KCNAB2: variants seen among roughly 807,000 people sequenced by gnomAD.
KCNAB2 encodes potassium voltage-gated channel subfamily A regulatory beta subunit 2.
Under a neutral mutation model 63.6 loss-of-function variants are expected in KCNAB2, and 29 were observed. That is an observed-to-expected ratio of 0.46 (90% CI 0.34 to 0.62). The LOEUF is 0.62. KCNAB2 is among the 20% of genes least tolerant of loss of function. KCNAB2 has a pLI of 0.01. For missense variants in KCNAB2, 359 were observed against 563.9 expected (o/e 0.64, Z 3.68); for synonymous variants, 222 against 224.2 (o/e 0.99, Z 0.09).
At chr1:6,020,034 G>A (rs907620583) in intron 1 of KCNAB2, among the ~76,000 whole-genome samples, 3 of 152,214 alleles carry the variant, frequency 2.0e-5, no homozygotes, top group Non-Finnish European at 2.9e-5. Context: ...GTTTCCCACA[G>A]GTGGAGGTCT....
In KCNAB2 at chr1:6,011,334, ACAGG is replaced by A. The variant is rs1439796333; in HGVS notation, c.-53+18552_-53+18555del. On this transcript the variant is annotated intron_variant, in intron 1 of 16. Coordinates refer to the KCNAB2 transcript ENST00000341524. ...GTGCCCAGGGCCAAGTGTGCGGGAGACAGGCAGGCGGCTGTGCCCAGGGCCAGGT... is the reference window on the plus strand; with the variant it reads ...GTGCCCAGGGCCAAGTGTGCGGGAGACAGGCGGCTGTGCCCAGGGCCAGGT... 2.6e-5 allele frequency among the ~76,000 whole-genome samples: 3 copies of A among 113,654 alleles called. No individual in the cohort carries two copies. In the Admixed American group the frequency reaches 2.8e-4, roughly 10 times the overall value. 74.6% of individuals were successfully genotyped at this position (113,654 alleles called of 152,430 possible).
At chr1:6,094,932 C>T in intron 11 of KCNAB2, among the ~76,000 whole-genome samples, 1 of 152,252 alleles carries the variant, frequency 6.6e-6, no homozygotes, top group East Asian at 1.9e-4. Context: ...GGGACCCTCT[C>T]ACATGCAATC....
intron 15 of KCNAB2, chr1:6,097,683 A>G (rs2100801969): frequency 5.3e-6 from 3 of 560,978 alleles, no homozygotes; most frequent in Middle Eastern, 3.4e-4. Context: ...GGGCTTGTTG[A>G]GAAGGTGGTG....
At chr1:6,001,122 C>T (rs779082958) in intron 1 of KCNAB2, among the ~76,000 whole-genome samples, 14 of 152,172 alleles carry the variant, frequency 9.2e-5, no homozygotes, top group Non-Finnish European at 1.5e-4. Flanking sequence ...CCTTGGAGGC[C>T]GGAACATCTT....
upstream of KCNAB2, among the ~76,000 whole-genome samples, chr1:6,042,595 G>T (rs545384150): frequency 6.6e-6 from 1 of 152,258 alleles, no homozygotes; most frequent in African/African-American, 2.4e-5. Flanking sequence ...AAATGTCAGG[G>T]CTGCCTGGAG....
Position 6,086,919 on chromosome 1 carries a change from C to T in KCNAB2, c.426-548C>T, listed in dbSNP as rs905285803. On this transcript the variant is annotated intron_variant, in intron 6 of 15. Transcript: ENST00000378083. The surrounding 1 kb of genome is among the most constrained non-coding windows in gnomAD (Gnocchi z 4.2). Reference sequence around the variant, plus strand: ...TCCCTTGGTGCCCCTCAAGTTACCCCGACCAGGCCGTCCCACACAGATTTT... The same window carrying T: ...TCCCTTGGTGCCCCTCAAGTTACCCTGACCAGGCCGTCCCACACAGATTTT... Among the ~76,000 whole-genome samples the T allele has an allele frequency of 3.3e-5, 5 of 152,042 alleles. No homozygotes were observed. Among genetic ancestry groups the T allele is most frequent in the African/African-American group, 9.7e-5 (4 of 41,376 alleles).
intron 1 of KCNAB2, among the ~76,000 whole-genome samples, chr1:6,021,384 A>G (rs902081449): frequency 3.9e-5 from 6 of 152,178 alleles, no homozygotes; most frequent in African/African-American, 1.4e-4. Flanking sequence ...ATGATGCAGA[A>G]GTTTCTTTTT....
chr1:6,049,987 T>C (rs995996785), intron 1 of KCNAB2, among the ~76,000 whole-genome samples: 1 of 152,156 alleles, frequency 6.6e-6, no homozygotes, highest in Non-Finnish European at 1.5e-5. Context: ...CCCCAGCACA[T>C]GGGGCTCATC....
At chr1:6,016,125 G>A (rs1658480193) in intron 1 of KCNAB2, among the ~76,000 whole-genome samples, 1 of 152,210 alleles carries the variant, frequency 6.6e-6, no homozygotes, top group African/African-American at 2.4e-5. Context: ...CCACCGTAAA[G>A]GAAGCACTAC....
At chr1:6,014,371 C>T (rs538977595) in intron 1 of KCNAB2, among the ~76,000 whole-genome samples, 24 of 152,348 alleles carry the variant, frequency 1.6e-4, no homozygotes, top group African/African-American at 5.5e-4. Flanking sequence ...CCAGAGGCCA[C>T]GCAGCACCAC....
In KCNAB2 at chr1:6,073,689, C is replaced by T. The variant is rs140258446; in HGVS notation, c.263-44C>T. 601 of 1,606,490 alleles carry T rather than the reference C, an allele frequency of 3.7e-4. 2 individuals carry two copies. The African/African-American group carries it at 7.4e-3, about 20-fold the overall frequency. On this transcript the variant is annotated intron_variant, in intron 3 of 15. Transcript: ENST00000378083. The surrounding 1 kb of genome is among the most constrained non-coding windows in gnomAD (Gnocchi z 5.7). ...TCTGAGCACCGACGGGATAATCTGG[C>T]TTCCTGCCAGGTTCCTAACTTGAGC...
At chr1:6,070,861 G>A (rs939946182) in intron 2 of KCNAB2, among the ~76,000 whole-genome samples, 10 of 152,156 alleles carry the variant, frequency 6.6e-5, no homozygotes, top group African/African-American at 1.9e-4. Flanking sequence ...GCCCATAGCC[G>A]CCACCCGGTG....
At position 6,087,439 on chromosome 1, in the gene KCNAB2, C is replaced by T. The variant is rs1368647156; in HGVS notation, c.426-28C>T. ...GACCCCCCAGGGGCCGGGCTTATCACACCCCTTCTTTCTCTTCTGTTCCAC... is the reference window on the plus strand; with the variant it reads ...GACCCCCCAGGGGCCGGGCTTATCATACCCCTTCTTTCTCTTCTGTTCCAC... On this transcript the variant is annotated intron_variant, in intron 6 of 15. Transcript: ENST00000378083. The surrounding 1 kb of genome is among the most constrained non-coding windows in gnomAD (Gnocchi z 6.4). 6.2e-7 allele frequency: 1 copy of T among 1,613,444 alleles called. No individual in the cohort carries two copies. Among genetic ancestry groups the T allele is most frequent in the Admixed American group, 1.7e-5 (1 of 60,016 alleles).
intron 2 of KCNAB2, among the ~76,000 whole-genome samples, chr1:6,052,700 T>G (rs1399858743): frequency 6.6e-6 from 1 of 152,180 alleles, no homozygotes; most frequent in African/African-American, 2.4e-5. Flanking sequence ...TCTGTGCCTC[T>G]CAGGAACATG....
At chr1:6,088,808 C>T (rs573587324) in intron 7 of KCNAB2, among the ~76,000 whole-genome samples, 200 bp from the exon 8 acceptor site, 2 of 150,172 alleles carry the variant, frequency 1.3e-5, no homozygotes, top group Non-Finnish European at 3.0e-5. Flanking sequence ...CCCCTCTGAG[C>T]CCTGTGACCA....
intron 2 of KCNAB2, among the ~76,000 whole-genome samples, chr1:6,064,090 C>A (rs1011209687): frequency 1.3e-5 from 2 of 152,160 alleles, no homozygotes; most frequent in African/African-American, 4.8e-5. Context: ...CGACGGTTTA[C>A]CAGAGTGCAG....
At chr1:6,091,495 C>T (rs896170956) in intron 10 of KCNAB2, among the ~76,000 whole-genome samples, 188 bp downstream of exon 10, 20 of 152,114 alleles carry the variant, frequency 1.3e-4, no homozygotes, top group East Asian at 7.7e-4. Flanking sequence ...TGGAGCCCCT[C>T]GCCCCCAGCC....
At chr1:6,066,957 G>A (rs1454230003) in intron 2 of KCNAB2, among the ~76,000 whole-genome samples, 2 of 152,246 alleles carry the variant, frequency 1.3e-5, no homozygotes, top group Non-Finnish European at 2.9e-5. Flanking sequence ...ATGTGGGGAG[G>A]ATGCCGACCA....
chr1:6,095,828 C>T (rs1665572378), intron 13 of KCNAB2, among the ~76,000 whole-genome samples: 1 of 151,798 alleles, frequency 6.6e-6, no homozygotes, highest in South Asian at 2.1e-4. Context: ...GCTGCCCAGC[C>T]TGTGGCACAG....
Sources: gnomAD v4.1 joint callset for allele counts (sites outside exome capture counted in the v4.1 genomes callset) on GRCh38, gnomAD v4.1.1 for gene constraint, Gnocchi (gnomAD v3.1) non-coding constraint, MANE v1.5 for transcripts, NCBI Gene and HGNC (gene_info 2026-07-23, HGNC 2026-07-21) for gene names.